TBC1D12: variants seen among roughly 807,000 people sequenced by gnomAD.
TBC1D12 encodes TBC1 domain family member 12.
A neutral mutation model predicts 86.7 loss-of-function variants in TBC1D12; 56 were observed. The observed-to-expected ratio is 0.65, with a 90% CI of 0.52 to 0.81. TBC1D12 has a LOEUF of 0.81. TBC1D12 is among the 30% of genes least tolerant of loss of function. The probability of loss-of-function intolerance (pLI) is 0.00; values close to 1 mark genes in which losing one functional copy is unlikely to be tolerated. For missense variants in TBC1D12, 1,023 were observed against 1,038.8 expected, an observed-to-expected ratio of 0.98 and a Z score of 0.21; for synonymous variants, 421 against 411.7, an observed-to-expected ratio of 1.02 and a Z score of -0.27.
At chr10:94,493,469 G>A in intron 4 of TBC1D12, 22 bp downstream of exon 4, 1 of 1,543,812 alleles carries the variant, frequency 6.5e-7, no homozygotes. Flanking sequence ...AACTCCAAAT[G>A]GTATAATTTT....
At chr10:94,442,372 G>A (rs970696668) in intron 2 of TBC1D12, among the ~76,000 whole-genome samples, 2 of 152,110 alleles carry the variant, frequency 1.3e-5, no homozygotes, top group African/African-American at 4.8e-5. Context: ...TGGCACAGAT[G>A]TTCTGAATAT....
At chr10:94,414,060 T>C (rs1480431378) in intron 1 of TBC1D12, among the ~76,000 whole-genome samples, 2 of 152,180 alleles carry the variant, frequency 1.3e-5, no homozygotes, top group Non-Finnish European at 2.9e-5. Context: ...TATAATAGTT[T>C]ACTTTTTTTT....
chr10:94,454,310 C>G (rs1206869495), intron 2 of TBC1D12, among the ~76,000 whole-genome samples: 2 of 152,162 alleles, frequency 1.3e-5, no homozygotes, highest in Admixed American at 6.6e-5. Context: ...CTCCCAGGTT[C>G]GAGCGATTCT....
intron 1 of TBC1D12, among the ~76,000 whole-genome samples, chr10:94,410,820 A>G (rs537991344): frequency 6.6e-6 from 1 of 152,270 alleles, no homozygotes; most frequent in South Asian, 2.1e-4. Flanking sequence ...GCCATTAAAT[A>G]ATTCTGTTAC....
At chr10:94,458,571 A>G (rs925604389) in intron 2 of TBC1D12, among the ~76,000 whole-genome samples, 2 of 152,186 alleles carry the variant, frequency 1.3e-5, no homozygotes, top group African/African-American at 4.8e-5. Flanking sequence ...CGCTGAGTTC[A>G]AGAATGAAGC....
At chr10:94,492,135 A>G (rs547126551) in intron 3 of TBC1D12, among the ~76,000 whole-genome samples, 1 of 152,294 alleles carries the variant, frequency 6.6e-6, no homozygotes, top group South Asian at 2.1e-4. Flanking sequence ...ATTGATGGCA[A>G]CATATTGTGC....
intron 3 of TBC1D12, among the ~76,000 whole-genome samples, chr10:94,489,820 T>G (rs1349765935): frequency 2.0e-5 from 3 of 152,232 alleles, no homozygotes; most frequent in African/African-American, 7.2e-5. Flanking sequence ...CACACATGTT[T>G]GCCTTGGCAC....
intron 2 of TBC1D12, among the ~76,000 whole-genome samples, chr10:94,454,303 C>A (rs2134109826): frequency 6.6e-6 from 1 of 152,286 alleles, no homozygotes; most frequent in Non-Finnish European, 1.5e-5. Context: ...CCTCCACCTC[C>A]CAGGTTCGAG....
chr10:94,444,456 A>G (rs2055423518), intron 2 of TBC1D12, among the ~76,000 whole-genome samples: 1 of 152,102 alleles, frequency 6.6e-6, no homozygotes, highest in South Asian at 2.1e-4. Context: ...TCTGAAAGTA[A>G]CGTCTCTCGT....
intron 3 of TBC1D12, among the ~76,000 whole-genome samples, chr10:94,491,797 T>G (rs966825495): frequency 9.2e-6 from 1 of 108,506 alleles, no homozygotes; most frequent in African/African-American, 2.8e-5. Context: ...AAAGAACCCT[T>G]ATTTTATTAG....
intron 3 of TBC1D12, among the ~76,000 whole-genome samples, chr10:94,477,554 A>C (rs558287657): frequency 2.0e-5 from 3 of 152,348 alleles, no homozygotes; most frequent in Admixed American, 2.0e-4. Context: ...TATCTCCCTC[A>C]GAATACTCTT....
chr10:94,492,381 T>C (rs921628330), intron 3 of TBC1D12, among the ~76,000 whole-genome samples: 1 of 152,204 alleles, frequency 6.6e-6, no homozygotes, highest in Admixed American at 6.5e-5. Context: ...TTTGACAGTT[T>C]ATTGTAAAGG....
chr10:94,475,968 C>T (rs955694), intron 3 of TBC1D12, among the ~76,000 whole-genome samples: 56,895 of 151,640 alleles, frequency 0.38, 11,121 homozygotes, highest in East Asian at 0.7. Flanking sequence ...GAGGCAGAGT[C>T]TTGCTCTGAC....
At chr10:94,489,721 T>C (rs1445475352) in intron 3 of TBC1D12, among the ~76,000 whole-genome samples, 1 of 152,190 alleles carries the variant, frequency 6.6e-6, no homozygotes, top group Non-Finnish European at 1.5e-5. Flanking sequence ...AGTTATTAAT[T>C]GGCCTAATTT....
At chr10:94,487,127 C>T (rs935843872) in intron 3 of TBC1D12, among the ~76,000 whole-genome samples, 5 of 151,934 alleles carry the variant, frequency 3.3e-5, no homozygotes, top group Non-Finnish European at 7.4e-5. Flanking sequence ...TATAGCGACT[C>T]TTTCTCCTTT....
chr10:94,483,378 AAC>A (rs2056107577), intron 3 of TBC1D12, among the ~76,000 whole-genome samples: 1 of 152,218 alleles, frequency 6.6e-6, no homozygotes, highest in Non-Finnish European at 1.5e-5. Context: ...CATTACCACC[AAC>A]AGTGTACAAC....
intron 4 of TBC1D12, among the ~76,000 whole-genome samples, chr10:94,496,313 G>C (rs1420897525): frequency 6.6e-6 from 1 of 151,990 alleles, no homozygotes; most frequent in Non-Finnish European, 1.5e-5. Context: ...TGTCACCTTT[G>C]ATTTTCAGAG....
chr10:94,535,249 A>G lies in TBC1D12; in HGVS notation c.*2153A>G, dbSNP rs1023846527. ...ACAGAGATCTCTGATCTCTAATGAC[A>G]TATTGCTATTGTCCTATTATGTTTA... On this transcript the variant is annotated 3_prime_UTR_variant, in exon 13 of 13. Transcript: ENST00000225235. 8 of 152,134 alleles carry G rather than the reference A, an allele frequency of 5.3e-5. No homozygotes were observed. The highest frequency in any genetic ancestry group is 1.9e-4 in the African/African-American group (8 of 41,432). 9.4% of individuals were successfully genotyped at this position (152,134 alleles called of 1,614,324 possible).
At chr10:94,472,396 A>C (rs2055921500) in intron 2 of TBC1D12, among the ~76,000 whole-genome samples, 1 of 152,166 alleles carries the variant, frequency 6.6e-6, no homozygotes, top group Admixed American at 6.6e-5. Context: ...GTTTTTCTCC[A>C]CTGGGAGGGC....
Sources: gnomAD v4.1 joint callset for allele counts (sites outside exome capture counted in the v4.1 genomes callset) on GRCh38, gnomAD v4.1.1 for gene constraint, MANE v1.5 for transcripts, NCBI Gene and HGNC (gene_info 2026-07-23, HGNC 2026-07-21) for gene names.